GOLGA6L10: variants seen among roughly 807,000 people sequenced by gnomAD.
GOLGA6L10 encodes the protein golgin subfamily A member 6-like protein 10.
In GOLGA6L10, 4 loss-of-function variants were observed where a neutral mutation model predicts 56.9. The observed-to-expected ratio is 0.07, with a 90% CI of 0.03 to 0.16. GOLGA6L10 has a LOEUF of 0.16. Ranked by LOEUF, GOLGA6L10 falls within the 10% of genes least tolerant of loss-of-function variation. The probability of loss-of-function intolerance (pLI) is 1.00; values close to 1 mark genes in which losing one functional copy is unlikely to be tolerated. For synonymous variants in GOLGA6L10, 11 were observed against 220.9 expected (o/e 0.05, Z 8.43); for missense variants, 34 against 558.3 (o/e 0.06, Z 9.46).
In GOLGA6L10 at chr15:82,340,232, C is replaced by T. The variant is rs2075635192; in HGVS notation, c.*2544G>A. 6.6e-6 allele frequency: 1 copy of T among 151,470 alleles called. No homozygotes were observed. The highest frequency in any genetic ancestry group is 6.6e-5 in the Admixed American group (1 of 15,072). The allele number at this position is 151,470 out of a possible 1,614,324, so 9.4% of individuals were successfully genotyped here. The stretch of plus-strand genomic sequence containing the variant: ...CCCCTAGATTCTTTGTTTTAAGCTA[C>T]AGTATTCGTATTTTAAAATGTTTTA... On this transcript the variant is annotated 3_prime_UTR_variant, in exon 9 of 9. Coordinates refer to ENST00000610657, the MANE Select transcript of GOLGA6L10 (RefSeq NM_001164465.3).
chr15:82,342,199 G>C lies in GOLGA6L10; in HGVS notation c.*577C>G, dbSNP rs1187427659. ...ACTGTAAATGTCAGTACTCACAGTG[G>C]CATATTACAAAGTAATAGACCGCGC... On this transcript the variant is annotated 3_prime_UTR_variant, in exon 9 of 9. Coordinates refer to ENST00000610657, the MANE Select transcript of GOLGA6L10 (RefSeq NM_001164465.3). The C allele has an allele frequency of 5.7e-6, 1 of 174,334 alleles. No homozygotes were observed. The highest frequency in any genetic ancestry group is 2.4e-5 in the African/African-American group (1 of 41,426). The allele number at this position is 174,334 out of a possible 1,614,324, so 10.8% of individuals were successfully genotyped here.
At chr15:82,343,338 T>C (rs1488548767) in intron 7 of GOLGA6L10, 118 bp from the exon 8 acceptor site, 1 of 1,344,234 alleles carries the variant, frequency 7.4e-7, no homozygotes, top group African/African-American at 1.5e-5. Context: ...CCTGGCCCCT[T>C]GCTCCAGGCC....
At chr15:82,345,528 G>A (rs2141428241) in intron 5 of GOLGA6L10, 102 bp from the exon 6 acceptor site, 1 of 1,522,760 alleles carries the variant, frequency 6.6e-7, no homozygotes, top group Non-Finnish European at 8.7e-7. Context: ...CCCAAACTTG[G>A]CCTCACTGCT....
At position 82,340,622 on chromosome 15, in the gene GOLGA6L10, G is replaced by T. The variant is rs1335889961; in HGVS notation, c.*2154C>A. 7.2e-6 allele frequency: 1 copy of T among 138,370 alleles called. No homozygotes were observed. The allele number at this position is 138,370 out of a possible 1,614,324, so 8.6% of individuals were successfully genotyped here. ...AATTGAAAGCTGCCTTATACTGAAT[G>T]AGGAAGAGAACAAATACTTGGCTGA... On this transcript the variant is annotated 3_prime_UTR_variant, in exon 9 of 9. Transcript: ENST00000610657.
In GOLGA6L10 at chr15:82,345,348, T is replaced by G. The variant is rs2075678282; in HGVS notation, c.512A>C (p.Lys171Thr). ...QLQDETNHLR[K>T]ELESVGRQLQ... ...CTGTCTTCCCACACTCTCTAGCTCCTTCCTTAGGTGGTTGGTCTCATCTTG... is the reference window on the plus strand; with the variant it reads ...CTGTCTTCCCACACTCTCTAGCTCCGTCCTTAGGTGGTTGGTCTCATCTTG... Residue 171 changes from lysine (K) to threonine (T), a missense_variant, in exon 6 of 9, where the codon AAG becomes ACG. Transcript: ENST00000610657. 6.3e-7 allele frequency: 1 copy of G among 1,597,032 alleles called. No homozygotes were observed. Among genetic ancestry groups the G allele is most frequent in the African/African-American group, 1.3e-5 (1 of 74,752 alleles).
chr15:82,344,167 T>C (rs2075660099), intron 7 of GOLGA6L10, 94 bp downstream of exon 7: 1 of 639,080 alleles, frequency 1.6e-6, no homozygotes, highest in African/African-American at 2.0e-5. Flanking sequence ...AGGCTGCAGC[T>C]GCCTGTGGCC....
At chr15:82,347,844 A>G (rs2075696779) in intron 1 of GOLGA6L10, among the ~76,000 whole-genome samples, 2 of 152,300 alleles carry the variant, frequency 1.3e-5, no homozygotes, top group Non-Finnish European at 2.9e-5. Flanking sequence ...CTGGAACTTA[A>G]ACTCAGTCCT....
rs2075634163 is a variant in GOLGA6L10 at position 82,340,039 on chromosome 15, T to C, written c.*2737A>G. ...TGAAACAATCTAATAATTTATTACA[T>C]TACAGTAGCATCACAGAAGCAGTCA... On this transcript the variant is annotated 3_prime_UTR_variant, in exon 9 of 9. Coordinates refer to ENST00000610657, the MANE Select transcript of GOLGA6L10 (RefSeq NM_001164465.3). The C allele has an allele frequency of 6.6e-6, 1 of 151,474 alleles. No individual in the cohort carries two copies. Among genetic ancestry groups the C allele is most frequent in the Admixed American group, 6.6e-5 (1 of 15,198 alleles). The allele number at this position is 151,474 out of a possible 1,614,324, so 9.4% of individuals were successfully genotyped here.
intron 1 of GOLGA6L10, among the ~76,000 whole-genome samples, chr15:82,348,269 T>C (rs1307661746): frequency 1.9e-3 from 278 of 150,258 alleles, no homozygotes; most frequent in African/African-American, 6.5e-3. Context: ...GTTGAGACGA[T>C]ATGAGGAAGA....
rs1474376016 is a variant in GOLGA6L10 at position 82,340,582 on chromosome 15, A to G, written c.*2194T>C. 3 of 148,876 alleles carry G rather than the reference A, an allele frequency of 2.0e-5. No homozygotes were observed. The highest frequency in any genetic ancestry group is 4.9e-5 in the African/African-American group (2 of 41,004). 9.2% of individuals were successfully genotyped at this position (148,876 alleles called of 1,614,324 possible). A position where few individuals can be genotyped will look rare whatever the true frequency, so the allele number is the denominator to read the frequency against. ...TTCTGCTGAACTCTAACCTTCTAAT[A>G]TTGCCTTCTAAGCAAATTGAAAGCT... On this transcript the variant is annotated 3_prime_UTR_variant, in exon 9 of 9. Coordinates refer to ENST00000610657, the MANE Select transcript of GOLGA6L10 (RefSeq NM_001164465.3).
intron 5 of GOLGA6L10, among the ~76,000 whole-genome samples, 154 bp from the exon 6 acceptor site, chr15:82,345,580 A>G (rs2075680832): frequency 6.6e-6 from 1 of 151,232 alleles, no homozygotes; most frequent in African/African-American, 2.4e-5. Flanking sequence ...CTTCCAAGTC[A>G]CTTTCAGATA....
At chr15:82,346,048 A>G (rs1446139751) in intron 4 of GOLGA6L10, among the ~76,000 whole-genome samples, 152 bp from the exon 5 acceptor site, 15 of 148,902 alleles carry the variant, frequency 1.0e-4, no homozygotes, top group Admixed American at 8.0e-4. Flanking sequence ...TCTACAGGCC[A>G]GGTACAGTTC....
In GOLGA6L10 at chr15:82,340,808, C is replaced by A. The variant is rs1216898840; in HGVS notation, c.*1968G>T. 6.7e-6 allele frequency: 1 copy of A among 150,370 alleles called. No homozygotes were observed. Among genetic ancestry groups the A allele is most frequent in the Non-Finnish European group, 1.5e-5 (1 of 67,588 alleles). 9.3% of individuals were successfully genotyped at this position (150,370 alleles called of 1,614,324 possible). On this transcript the variant is annotated 3_prime_UTR_variant, in exon 9 of 9. Transcript: ENST00000610657. ...TACATTTATTTTTCAGACTGACATT[C>A]AGCTTAAATATGCCAGTATGTGATT...
At chr15:82,347,740 C>T in intron 1 of GOLGA6L10, 111 bp from the exon 2 acceptor site, 1 of 1,587,312 alleles carries the variant, frequency 6.3e-7, no homozygotes, top group Non-Finnish European at 8.6e-7. Context: ...GTAATGCCAC[C>T]AACAACCGTA....
chr15:82,340,419 AG>A lies in GOLGA6L10; in HGVS notation c.*2356del, dbSNP rs1453402520. ...TTTAGAACTGATTGTTTTTCATTTC[AG>A]GAAAACCTATCAGGTTTAATCTATT... On this transcript the variant is annotated 3_prime_UTR_variant, in exon 9 of 9. Transcript: ENST00000610657. 2 of 151,494 alleles carry A rather than the reference AG, an allele frequency of 1.3e-5. No homozygotes were observed. Among genetic ancestry groups the A allele is most frequent in the African/African-American group, 2.4e-5 (1 of 41,384 alleles). The allele number at this position is 151,494 out of a possible 1,614,324, so 9.4% of individuals were successfully genotyped here.
intron 2 of GOLGA6L10, chr15:82,347,194 T>G: frequency 7.0e-7 from 1 of 1,421,178 alleles, no homozygotes; most frequent in Non-Finnish European, 9.1e-7. Context: ...CTCAGTGTCC[T>G]GGGTGTTTGC....
chr15:82,343,587 GA>G (rs1178031462), intron 7 of GOLGA6L10, among the ~76,000 whole-genome samples: 1 of 151,166 alleles, frequency 6.6e-6, no homozygotes, highest in African/African-American at 2.4e-5. Flanking sequence ...CAGAGACTTA[GA>G]GATGCAAAGT....
chr15:82,345,094 TCTC>T lies in GOLGA6L10; in HGVS notation c.763_765del (p.Glu255del). 1 of 525,770 alleles carries T rather than the reference TCTC, an allele frequency of 1.9e-6. No individual in the cohort carries two copies. 32.6% of individuals were successfully genotyped at this position (525,770 alleles called of 1,614,324 possible). A position where few individuals can be genotyped will look rare whatever the true frequency, so the allele number is the denominator to read the frequency against. ...AGCCTCTCCTCCTGTTCACGTAGCC[TCTC>T]CTCCTGTTCACACAGCCTCTCCTCC... On this transcript the variant is annotated inframe_deletion, in exon 6 of 9. Transcript: ENST00000610657.
chr15:82,346,170 T>A (rs2075685609), intron 4 of GOLGA6L10, among the ~76,000 whole-genome samples: 3 of 151,500 alleles, frequency 2.0e-5, no homozygotes, highest in African/African-American at 2.4e-5. Context: ...AGACCTTTGA[T>A]ACTCTCTACC....
Sources: allele counts gnomAD v4.1 joint callset (sites outside exome capture counted in the v4.1 genomes callset), GRCh38; gene constraint gnomAD v4.1.1; transcripts MANE v1.5; gene names NCBI Gene and HGNC (gene_info 2026-07-23, HGNC 2026-07-21).